Variants in CDH4 observed in about 807,000 individuals in gnomAD.
CDH4 encodes the protein cadherin-4.
A neutral mutation model predicts 86.0 loss-of-function variants in CDH4; 33 were observed. The ratio of observed to expected loss-of-function variants is 0.38; its 90% CI spans 0.29 to 0.51. The LOEUF is 0.51. CDH4 is among the 20% of genes least tolerant of loss of function. The pLI, the probability that CDH4 is intolerant of heterozygous loss-of-function variation, is 0.86. For missense variants in CDH4, 1,114 were observed against 1,307.4 expected (o/e 0.85, Z 2.28); for synonymous variants, 555 against 549.4 (o/e 1.01, Z -0.14).
At chr20:61,367,731 C>A (rs537451862) in intron 2 of CDH4, among the ~76,000 whole-genome samples, 25 of 152,250 alleles carry the variant, frequency 1.6e-4, no homozygotes, top group African/African-American at 5.8e-4. Context: ...ATGAGAAAAT[C>A]ACCATTTGAC....
chr20:61,655,885 A>G (rs1385384470), intron 2 of CDH4, among the ~76,000 whole-genome samples: 1 of 152,138 alleles, frequency 6.6e-6, no homozygotes, highest in Non-Finnish European at 1.5e-5. Flanking sequence ...GCTAATAGAG[A>G]GCAGCCGAGC....
rs974980471 is a variant in CDH4 at position 61,684,915 on chromosome 20, G to A, written c.170-58648G>A. On this transcript the variant is annotated intron_variant, in intron 2 of 15. Coordinates refer to ENST00000614565, the MANE Select transcript of CDH4 (RefSeq NM_001794.5). This position sits in a 1 kb window ranked among gnomAD's most constrained non-coding sequence, Gnocchi z 4.5. Reference sequence around the variant, plus strand: ...TTATTAAGATATAAAAACTTACCGTGAAATTCCCCTGTTTAAAGTGTACAA... The same window carrying A: ...TTATTAAGATATAAAAACTTACCGTAAAATTCCCCTGTTTAAAGTGTACAA... 1.3e-5 allele frequency among the ~76,000 whole-genome samples: 2 copies of A among 151,308 alleles called. No homozygotes were observed. Among genetic ancestry groups the A allele is most frequent in the Admixed American group, 6.6e-5 (1 of 15,210 alleles).
At chr20:61,314,717 T>C (rs1003520145) in intron 2 of CDH4, among the ~76,000 whole-genome samples, 7 of 152,148 alleles carry the variant, frequency 4.6e-5, no homozygotes, top group Non-Finnish European at 1.0e-4. Flanking sequence ...ATAACGCTCA[T>C]CCCAATTTAT....
intron 2 of CDH4, among the ~76,000 whole-genome samples, chr20:61,712,623 A>C (rs2087905551): frequency 6.6e-6 from 1 of 152,094 alleles, no homozygotes; most frequent in Non-Finnish European, 1.5e-5. Context: ...GTGGTGCAAA[A>C]AACCAATCCT....
At chr20:61,430,906 C>T (rs2085242704) in intron 2 of CDH4, among the ~76,000 whole-genome samples, 1 of 152,206 alleles carries the variant, frequency 6.6e-6, no homozygotes, top group Admixed American at 6.5e-5. Context: ...GCCTGCAGCC[C>T]CCAGGCTTCA....
chr20:61,589,524 A>G (rs1032857792), intron 2 of CDH4, among the ~76,000 whole-genome samples: 4 of 152,204 alleles, frequency 2.6e-5, no homozygotes, highest in African/African-American at 7.2e-5. Context: ...ACATAATTCC[A>G]CAAGTGGCAT....
rs1026582402 is a variant in CDH4 at position 61,392,236 on chromosome 20, C to T, written c.169+137299C>T. Among the ~76,000 whole-genome samples, 3 of 151,672 alleles carry T rather than the reference C, an allele frequency of 2.0e-5. No homozygotes were observed. The highest frequency in any genetic ancestry group is 7.3e-5 in the African/African-American group (3 of 41,312). ...GGCCTTAACACGGGACCCGGACATGCTGCCTCTGGGCTGGGGAGGGACAGG... is the reference window on the plus strand; with the variant it reads ...GGCCTTAACACGGGACCCGGACATGTTGCCTCTGGGCTGGGGAGGGACAGG... On this transcript the variant is annotated intron_variant, in intron 2 of 15. Transcript: ENST00000614565. This position sits in a 1 kb window ranked among gnomAD's most constrained non-coding sequence, Gnocchi z 5.7.
intron 8 of CDH4, among the ~76,000 whole-genome samples, chr20:61,897,293 C>T (rs143732699): frequency 8.9e-4 from 136 of 152,194 alleles, no homozygotes; most frequent in Middle Eastern, 6.8e-3. Context: ...GTCCCCATCC[C>T]GAGACTCTGG....
chr20:61,761,183 C>A (rs1172692943), intron 3 of CDH4, among the ~76,000 whole-genome samples: 2 of 152,156 alleles, frequency 1.3e-5, no homozygotes, highest in Non-Finnish European at 2.9e-5. Context: ...GAAATCTAAT[C>A]ATCCTCAGTA....
At position 61,754,733 on chromosome 20, in the gene CDH4, C is replaced by T. The variant is rs1451649154; in HGVS notation, c.396+10944C>T. Among the ~76,000 whole-genome samples, 3 of 149,090 alleles carry T rather than the reference C, an allele frequency of 2.0e-5. No homozygotes were observed. The highest frequency in any genetic ancestry group is 7.4e-5 in the African/African-American group (3 of 40,420). ...CACACCGCACACACACTGCACGCCCCGCACACACTATGCACACCACACACA... is the reference window on the plus strand; with the variant it reads ...CACACCGCACACACACTGCACGCCCTGCACACACTATGCACACCACACACA... On this transcript the variant is annotated intron_variant, in intron 3 of 15. Coordinates refer to ENST00000614565, the MANE Select transcript of CDH4 (RefSeq NM_001794.5). This position sits in a 1 kb window ranked among gnomAD's most constrained non-coding sequence, Gnocchi z 4.7.
At chr20:61,339,451 G>A (rs1306089761) in intron 2 of CDH4, among the ~76,000 whole-genome samples, 1 of 148,274 alleles carries the variant, frequency 6.7e-6, no homozygotes, top group Non-Finnish European at 1.5e-5. Flanking sequence ...CCTTGCACAT[G>A]TGCGTGCATG....
intron 2 of CDH4, among the ~76,000 whole-genome samples, chr20:61,514,299 T>C (rs2085801416): frequency 6.7e-6 from 1 of 148,298 alleles, no homozygotes; most frequent in African/African-American, 2.6e-5. Flanking sequence ...GGTTCAGGCC[T>C]CAGTCCGCCC....
chr20:61,410,459 A>G (rs2145490132), intron 2 of CDH4, among the ~76,000 whole-genome samples: 1 of 127,588 alleles, frequency 7.8e-6, no homozygotes, highest in African/African-American at 2.5e-5. Context: ...CCATCCATCC[A>G]TCCATCCATC....
At chr20:61,439,285 G>A (rs113410640) in intron 2 of CDH4, among the ~76,000 whole-genome samples, 5,245 of 152,128 alleles carry the variant, frequency 0.034, 281 homozygotes, top group African/African-American at 0.12. Flanking sequence ...TGTGCATTTC[G>A]GTTGTACAGT....
intron 8 of CDH4, among the ~76,000 whole-genome samples, chr20:61,908,227 G>A (rs565422148): frequency 9.8e-5 from 15 of 152,328 alleles, no homozygotes; most frequent in African/African-American, 3.6e-4. Context: ...CTTCTGTCGC[G>A]TCGCCGTCCT....
intron 2 of CDH4, among the ~76,000 whole-genome samples, chr20:61,618,828 G>T (rs2086746627): frequency 6.6e-6 from 1 of 152,226 alleles, no homozygotes; most frequent in African/African-American, 2.4e-5. Flanking sequence ...TTCAGAGAGG[G>T]GTAGAGACCA....
chr20:61,574,575 A>G (rs2086368486), intron 2 of CDH4, among the ~76,000 whole-genome samples: 1 of 152,148 alleles, frequency 6.6e-6, no homozygotes, highest in African/African-American at 2.4e-5. Context: ...GAGAAAAAAA[A>G]TGGTCTCAGT....
chr20:61,297,589 A>G (rs1434608574), intron 2 of CDH4, among the ~76,000 whole-genome samples: 1 of 152,240 alleles, frequency 6.6e-6, no homozygotes, highest in Non-Finnish European at 1.5e-5. Context: ...GCTGGGCAGC[A>G]GCTGTTTTTC....
intron 4 of CDH4, among the ~76,000 whole-genome samples, chr20:61,837,463 A>G (rs1568842036): frequency 6.6e-6 from 1 of 152,144 alleles, no homozygotes; most frequent in Non-Finnish European, 1.5e-5. Context: ...CACATCCCTC[A>G]GCTTCTCTGG....
Sources: allele counts gnomAD v4.1 joint callset (sites outside exome capture counted in the v4.1 genomes callset), GRCh38; gene constraint gnomAD v4.1.1; non-coding constraint Gnocchi (gnomAD v3.1); transcripts MANE v1.5; gene names NCBI Gene and HGNC (gene_info 2026-07-23, HGNC 2026-07-21).